The following CACNA1D variants were observed in gnomAD, a reference collection of about 807,000 sequenced individuals.
CACNA1D encodes calcium voltage-gated channel subunit alpha1 D, also known as voltage-dependent L-type calcium channel subunit alpha-1D.
CACNA1D carries 55 observed loss-of-function variants against 257.1 expected under a neutral mutation model. That is an observed-to-expected ratio of 0.21 (90% CI 0.17 to 0.27). The LOEUF is 0.27. Ranked by LOEUF, CACNA1D falls within the 10% of genes least tolerant of loss-of-function variation. The probability of loss-of-function intolerance (pLI) is 1.00; values close to 1 mark genes in which losing one functional copy is unlikely to be tolerated. For synonymous variants in CACNA1D, 980 were observed against 1,014.9 expected, an observed-to-expected ratio of 0.97 and a Z score of 0.65; for missense variants, 1,876 against 2,784.0, an observed-to-expected ratio of 0.67 and a Z score of 7.34.
At chr3:53,639,792 A>G (rs1268645970) in intron 3 of CACNA1D, among the ~76,000 whole-genome samples, 4 of 152,120 alleles carry the variant, frequency 2.6e-5, no homozygotes, top group Non-Finnish European at 5.9e-5. Flanking sequence ...CTTTCTTGTC[A>G]AAATGAAAGT....
chr3:53,698,723 C>T (rs2094594193), intron 8 of CACNA1D, among the ~76,000 whole-genome samples: 1 of 152,064 alleles, frequency 6.6e-6, no homozygotes, highest in African/African-American at 2.4e-5. Flanking sequence ...TTGTTTTCTG[C>T]TCTTTCTTTT....
At chr3:53,761,589 G>A (rs755583744) in intron 29 of CACNA1D, among the ~76,000 whole-genome samples, 14 of 152,226 alleles carry the variant, frequency 9.2e-5, no homozygotes, top group Non-Finnish European at 1.8e-4. Context: ...CCTGGTGACA[G>A]TGCTCTTTAA....
At chr3:53,694,019 C>T (rs1490735178) in intron 8 of CACNA1D, among the ~76,000 whole-genome samples, 1 of 152,224 alleles carries the variant, frequency 6.6e-6, no homozygotes, top group Non-Finnish European at 1.5e-5. Flanking sequence ...CAGCAAACTG[C>T]GTGTCCTCTT....
chr3:53,751,370 G>A lies in CACNA1D; in HGVS notation c.3517-379G>A, dbSNP rs2095224421. On this transcript the variant is annotated intron_variant, in intron 27 of 47. Transcript: ENST00000350061. The surrounding 1 kb of genome is among the most constrained non-coding windows in gnomAD (Gnocchi z 4.3). ...TGATCCACCTATAGATCCCCCGTAT[G>A]TGTGATAAAGAGGAAAGGCAGTGAT... 6.6e-6 allele frequency among the ~76,000 whole-genome samples: 1 copy of A among 152,216 alleles called. No individual in the cohort carries two copies. Among genetic ancestry groups the A allele is most frequent in the African/African-American group, 2.4e-5 (1 of 41,458 alleles).
chr3:53,628,800 C>T (rs2093788858), intron 3 of CACNA1D, among the ~76,000 whole-genome samples: 1 of 152,172 alleles, frequency 6.6e-6, no homozygotes, highest in African/African-American at 2.4e-5. Flanking sequence ...CTGTCAGAAC[C>T]TGTTTGTAAA....
At chr3:53,726,326 TG>T (rs1283176555) in intron 14 of CACNA1D, among the ~76,000 whole-genome samples, 1 of 152,172 alleles carries the variant, frequency 6.6e-6, no homozygotes, top group Non-Finnish European at 1.5e-5. Context: ...AAAACTGGGC[TG>T]GGGTGTAATC....
chr3:53,805,904 C>T (rs2095561436), intron 45 of CACNA1D, among the ~76,000 whole-genome samples: 1 of 131,850 alleles, frequency 7.6e-6, no homozygotes, highest in Admixed American at 7.5e-5. Context: ...CTCCTCCTCC[C>T]TCATCTTCTC....
intron 3 of CACNA1D, among the ~76,000 whole-genome samples, chr3:53,604,844 G>C (rs2093488131): frequency 6.6e-6 from 1 of 152,170 alleles, no homozygotes; most frequent in Non-Finnish European, 1.5e-5. Context: ...TTCAAGGTCT[G>C]ATATGTAAGA....
intron 29 of CACNA1D, among the ~76,000 whole-genome samples, chr3:53,761,346 C>T (rs950854126): frequency 8.5e-5 from 13 of 152,206 alleles, no homozygotes; most frequent in African/African-American, 2.7e-4. Context: ...GCACCACCCC[C>T]ATGACAAGGA....
At chr3:53,718,161 C>A in intron 9 of CACNA1D, 140 bp from the exon 10 acceptor site, 1 of 753,682 alleles carries the variant, frequency 1.3e-6, no homozygotes, top group East Asian at 2.6e-5. Context: ...CTCCCTTAGC[C>A]CAGCTGAGGC....
chr3:53,718,219 G>C, intron 9 of CACNA1D, 82 bp from the exon 10 acceptor site: 3 of 1,198,660 alleles, frequency 2.5e-6, no homozygotes, highest in Non-Finnish European at 3.7e-6. Flanking sequence ...GGTCTGCCTG[G>C]TGGCAGAGGC....
intron 7 of CACNA1D, among the ~76,000 whole-genome samples, chr3:53,672,553 C>T (rs918039429): frequency 5.3e-5 from 8 of 152,158 alleles, no homozygotes; most frequent in Admixed American, 2.0e-4. Context: ...GACTTTTCCA[C>T]CATCACAAAC....
chr3:53,764,361 A>G lies in CACNA1D; in HGVS notation c.3870+2280A>G, dbSNP rs564893490. 2.6e-5 allele frequency among the ~76,000 whole-genome samples: 4 copies of G among 152,352 alleles called. 1 individual carries two copies. In the East Asian group the frequency reaches 5.8e-4, roughly 22 times the overall value. On this transcript the variant is annotated intron_variant, in intron 30 of 47. Transcript: ENST00000350061. The stretch of plus-strand genomic sequence containing the variant: ...ACAATCTACTCGGAGGTATATTTAC[A>G]TGAAAATTCTGGAACATACCCTTCT...
intron 3 of CACNA1D, among the ~76,000 whole-genome samples, chr3:53,546,899 A>G (rs1254051188): frequency 6.6e-6 from 1 of 152,238 alleles, no homozygotes; most frequent in African/African-American, 2.4e-5. Context: ...AGCCTAGTAT[A>G]CAACATGGGC....
At position 53,732,956 on chromosome 3, in the gene CACNA1D, C is replaced by T; in HGVS notation, c.2615C>T (p.Thr872Ile). 1 of 1,613,926 alleles carries T rather than the reference C, an allele frequency of 6.2e-7. No homozygotes were observed. Among genetic ancestry groups the T allele is most frequent in the Non-Finnish European group, 8.5e-7 (1 of 1,179,854 alleles). ...EGSAFFILSK[T>I]NPIRVGCHKL... The stretch of plus-strand genomic sequence containing the variant: ...AGCGCTTTCTTCATTCTTAGCAAGA[C>T]CAACCCGTAAATACTCCCCTTCTAG... Residue 872 changes from threonine to isoleucine, a missense_variant, in exon 19 of 48, where the codon ACC (threonine) becomes ATC (isoleucine). By Grantham distance (89) the Thr-to-Ile change is moderately conservative. Coordinates refer to ENST00000350061, the MANE Select transcript of CACNA1D (RefSeq NM_001128840.3).
chr3:53,731,596 T>G (rs2094993307), intron 17 of CACNA1D, among the ~76,000 whole-genome samples: 1 of 152,228 alleles, frequency 6.6e-6, no homozygotes, highest in Admixed American at 6.5e-5. Context: ...TCTTTCTCTG[T>G]TCATCGAGTT....
intron 3 of CACNA1D, among the ~76,000 whole-genome samples, chr3:53,525,332 A>G (rs2091726129): frequency 6.6e-6 from 1 of 152,154 alleles, no homozygotes; most frequent in African/African-American, 2.4e-5. Flanking sequence ...GTAATAAGTG[A>G]TTTCTGTGTA....
At chr3:53,679,596 G>A (rs1433068459) in intron 8 of CACNA1D, 1 of 152,186 alleles carries the variant, frequency 6.6e-6, no homozygotes, top group African/African-American at 2.4e-5. Flanking sequence ...CAGTCTAAAA[G>A]GGACAGGGGA....
chr3:53,754,229 C>T (rs2095247562), intron 29 of CACNA1D, among the ~76,000 whole-genome samples: 1 of 152,212 alleles, frequency 6.6e-6, no homozygotes, highest in Admixed American at 6.5e-5. Flanking sequence ...GACTTTAACA[C>T]AAAATGAGAC....
Sources: allele counts gnomAD v4.1 joint callset (sites outside exome capture counted in the v4.1 genomes callset), GRCh38; gene constraint gnomAD v4.1.1; non-coding constraint Gnocchi (gnomAD v3.1); transcripts MANE v1.5; gene names NCBI Gene and HGNC (gene_info 2026-07-23, HGNC 2026-07-21).